The following PTCH2 variants were observed in gnomAD, a reference collection of about 807,000 sequenced individuals.
PTCH2 encodes the protein protein patched homolog 2.
PTCH2 carries 96 observed loss-of-function variants against 117.9 expected under a neutral mutation model. The observed-to-expected ratio is 0.81, with a 90% CI of 0.69 to 0.96. The LOEUF (loss-of-function observed/expected upper bound fraction) is 0.96. Ranked by LOEUF, PTCH2 falls within the 50% of genes least tolerant of loss-of-function variation. The pLI is 0.00. For synonymous variants in PTCH2, 615 were observed against 660.9 expected, an observed-to-expected ratio of 0.93 and a Z score of 1.06; for missense variants, 1,379 against 1,562.5, an observed-to-expected ratio of 0.88 and a Z score of 1.98.
chr1:44,830,493 C>T (rs902759210), intron 6 of PTCH2, among the ~76,000 whole-genome samples: 1 of 149,428 alleles, frequency 6.7e-6, no homozygotes, highest in Non-Finnish European at 1.5e-5. Context: ...ATCCCAGCTA[C>T]TCAGGAGGCT....
Position 44,826,370 on chromosome 1 carries a change from C to T in PTCH2, c.2994G>A (p.Met998Ile), listed in dbSNP as rs1653141131. ...TGATACCAAAGAGTTCCACTGTCAT[C>T]ATCGCCAGGACCAGCACCTGAGGGA... ...TAGLIVLVLAMMTVELFGIMG... is the reference protein window; with the variant it reads ...TAGLIVLVLAIMTVELFGIMG... The change falls in exon 19 of 22, where the codon ATG becomes ATA. Residue 998 changes from methionine (M) to isoleucine (I), a missense_variant. Coordinates refer to ENST00000372192, the MANE Select transcript of PTCH2 (RefSeq NM_003738.5). The surrounding 1 kb of genome is among the most constrained non-coding windows in gnomAD (Gnocchi z 5.1). 6.2e-7 allele frequency: 1 copy of T among 1,614,124 alleles called. No individual in the cohort carries two copies. The highest frequency in any genetic ancestry group is 8.5e-7 in the Non-Finnish European group (1 of 1,180,038).
downstream of PTCH2, chr1:44,820,841 C>T: frequency 1.7e-6 from 1 of 603,830 alleles, no homozygotes; most frequent in Non-Finnish European, 3.1e-6. Flanking sequence ...ACCTAGAAGG[C>T]CCTTCTTGGT....
Position 44,829,251 on chromosome 1 carries a change from C to A in PTCH2, c.1277G>T (p.Gly426Val), listed in dbSNP as rs2148877270. ...GGCCACCAGCAGTACCCCGGCAAGG[C>A]CCACGGAACCCTGGGACTGGGCGCA... ...WDCAQSQGSV[G>V]LAGVLLVALA... Residue 426 changes from glycine (G) to valine (V), a missense_variant, in exon 10 of 22, where the codon GGC becomes GTC. Physicochemically the swap from Gly to Val is moderately radical, Grantham distance 109 (BLOSUM62 -3). Coordinates refer to ENST00000372192, the MANE Select transcript of PTCH2 (RefSeq NM_003738.5). 6.2e-7 allele frequency: 1 copy of A among 1,613,522 alleles called. No homozygotes were observed. The highest frequency in any genetic ancestry group is 8.5e-7 in the Non-Finnish European group (1 of 1,180,012).
Position 44,842,954 on chromosome 1 carries a change from G to A in PTCH2, c.-22C>T. 2 of 1,528,520 alleles carry A rather than the reference G, an allele frequency of 1.3e-6. No individual in the cohort carries two copies. Among genetic ancestry groups the A allele is most frequent in the East Asian group, 2.5e-5 (1 of 40,562 alleles). The allele number at this position is 1,528,520 out of a possible 1,614,324, so 94.7% of individuals were successfully genotyped here. A position where few individuals can be genotyped will look rare whatever the true frequency, so the allele number is the denominator to read the frequency against. On this transcript the variant is annotated 5_prime_UTR_variant, in exon 1 of 22. Coordinates refer to ENST00000372192, the MANE Select transcript of PTCH2 (RefSeq NM_003738.5). ...TCATGCTGGCGGGGATGGGGGGCGCGGGCGCCCCCAACCCGCGTTATCTGG... is the reference window on the plus strand; with the variant it reads ...TCATGCTGGCGGGGATGGGGGGCGCAGGCGCCCCCAACCCGCGTTATCTGG...
intron 2 of PTCH2, among the ~76,000 whole-genome samples, chr1:44,837,730 T>C (rs1411507318): frequency 6.6e-6 from 1 of 151,834 alleles, no homozygotes; most frequent in Non-Finnish European, 1.5e-5. Flanking sequence ...CAATCAGAAG[T>C]GTATTGCCAG....
At chr1:44,838,304 C>T (rs1047130922) in intron 2 of PTCH2, among the ~76,000 whole-genome samples, 1 of 152,154 alleles carries the variant, frequency 6.6e-6, no homozygotes, top group Non-Finnish European at 1.5e-5. Flanking sequence ...TACAAAGACG[C>T]GATCTCGGCT....
At chr1:44,832,365 T>C in intron 2 of PTCH2, 24 bp from the exon 3 acceptor site, 1 of 1,613,038 alleles carries the variant, frequency 6.2e-7, no homozygotes, top group South Asian at 1.1e-5. Flanking sequence ...CAGAGAAAGC[T>C]GGGGGGGAAA....
At position 44,828,304 on chromosome 1, in the gene PTCH2, G is replaced by A. The variant is rs749109820; in HGVS notation, c.1701C>T (p.Cys567=). Residue 567 remains cysteine, a synonymous_variant, in exon 13 of 22, where the codon TGC becomes TGT. Transcript: ENST00000372192. ...TGGGGCGCAGGCAGTACCTGGAGAA[G>A]CAGCAGAGCACATCAAGGCGCTGGC... The part of the protein sequence containing the change: ...RHCQRLDVLC[C]FSSPCSAQVI... The A allele has an allele frequency of 1.9e-6, 3 of 1,613,814 alleles. No individual in the cohort carries two copies. Among genetic ancestry groups the A allele is most frequent in the African/African-American group, 2.7e-5 (2 of 74,936 alleles).
chr1:44,820,274 GCT>G, downstream of PTCH2: 2 of 444,610 alleles, frequency 4.5e-6, no homozygotes, highest in East Asian at 6.7e-5. Flanking sequence ...GATCTCCTTT[GCT>G]CTCCTATGCT....
In PTCH2 at chr1:44,826,433, C is replaced by T. The variant is rs778024160; in HGVS notation, c.2977-46G>A. ...AGAGGGCTCCTGGCAGGAGGGATGA[C>T]AGGCTGGGCAGGGAAGGGTGGGGTG... On this transcript the variant is annotated intron_variant, in intron 18 of 21. Transcript: ENST00000372192. This position sits in a 1 kb window ranked among gnomAD's most constrained non-coding sequence, Gnocchi z 5.1. The T allele has an allele frequency of 6.2e-7, 1 of 1,613,898 alleles. No individual in the cohort carries two copies. Among genetic ancestry groups the T allele is most frequent in the Non-Finnish European group, 8.5e-7 (1 of 1,179,984 alleles).
chr1:44,841,790 CGT>C, intron 2 of PTCH2, 55 bp downstream of exon 2: 2 of 1,593,842 alleles, frequency 1.3e-6, no homozygotes, highest in Non-Finnish European at 1.7e-6. Flanking sequence ...CTCCTCACCC[CGT>C]TCTTGTCTTG....
intron 2 of PTCH2, among the ~76,000 whole-genome samples, chr1:44,840,449 A>G (rs976799456): frequency 8.9e-5 from 13 of 146,230 alleles, no homozygotes; most frequent in South Asian, 4.8e-4. Context: ...GGTGGCTCAC[A>G]CCTGTAATCC....
At chr1:44,840,188 C>T (rs188042376) in intron 2 of PTCH2, among the ~76,000 whole-genome samples, 7 of 151,054 alleles carry the variant, frequency 4.6e-5, no homozygotes, top group South Asian at 2.1e-4. Context: ...CTGCAACCTC[C>T]GCCTCCCAGG....
chr1:44,830,613 G>C (rs563368354), intron 6 of PTCH2, among the ~76,000 whole-genome samples: 1 of 99,174 alleles, frequency 1.0e-5, no homozygotes, highest in Non-Finnish European at 2.1e-5. Flanking sequence ...AAGAAGTCCA[G>C]CCTTATCTAG....
chr1:44,822,673 TG>T lies in PTCH2; in HGVS notation c.3358-5del, dbSNP rs763666404. On this transcript the variant is annotated splice_polypyrimidine_tract_variant and splice_region_variant and intron_variant, in intron 21 of 21. Coordinates refer to ENST00000372192, the MANE Select transcript of PTCH2 (RefSeq NM_003738.5). ...TTTCCTTGTACATCTGTATCACCTG[TG>T]GGGAGACACCAGCCCCAGTAAGCCC... The T allele has an allele frequency of 5.0e-6, 8 of 1,613,438 alleles. No homozygotes were observed. Among genetic ancestry groups the T allele is most frequent in the Non-Finnish European group, 6.8e-6 (8 of 1,179,738 alleles).
rs375019150 is a variant in PTCH2 at position 44,828,245 on chromosome 1, G to A, written c.1709+51C>T. Reference sequence around the variant, plus strand: ...TCTGTGCCTTGAAATGCTGGTGAGGGGACAGGCTGGCGTGGGTCACGGGAG... The same window carrying A: ...TCTGTGCCTTGAAATGCTGGTGAGGAGACAGGCTGGCGTGGGTCACGGGAG... On this transcript the variant is annotated intron_variant, in intron 13 of 21. Coordinates refer to ENST00000372192, the MANE Select transcript of PTCH2 (RefSeq NM_003738.5). 5 of 1,612,424 alleles carry A rather than the reference G, an allele frequency of 3.1e-6. No individual in the cohort carries two copies. The Admixed American group carries it at 5.0e-5, about 16-fold the overall frequency.
Position 44,826,346 on chromosome 1 carries a change from G to C in PTCH2, c.3018C>G (p.Ile1006Met), listed in dbSNP as rs767257214. 6.2e-7 allele frequency: 1 copy of C among 1,614,126 alleles called. No individual in the cohort carries two copies. The highest frequency in any genetic ancestry group is 2.2e-5 in the East Asian group (1 of 44,888). Residue 1006 changes from isoleucine to methionine, a missense_variant, in exon 19 of 22, where the codon ATC (isoleucine) becomes ATG (methionine). Coordinates refer to ENST00000372192, the MANE Select transcript of PTCH2 (RefSeq NM_003738.5). The surrounding 1 kb of genome is among the most constrained non-coding windows in gnomAD (Gnocchi z 5.1). ...TCAGCTTGATGCCCAGGAAACCCATGATACCAAAGAGTTCCACTGTCATCA... is the reference window on the plus strand; with the variant it reads ...TCAGCTTGATGCCCAGGAAACCCATCATACCAAAGAGTTCCACTGTCATCA... ...LAMMTVELFG[I>M]MGFLGIKLSA...
intron 19 of PTCH2, among the ~76,000 whole-genome samples, chr1:44,824,774 G>A (rs910533008): frequency 2.6e-5 from 4 of 152,072 alleles, no homozygotes; most frequent in Admixed American, 1.3e-4. Flanking sequence ...CCAGGTTCAA[G>A]CAATTCTCCT....
At chr1:44,834,682 G>A (rs1261220327) in intron 2 of PTCH2, among the ~76,000 whole-genome samples, 1 of 152,136 alleles carries the variant, frequency 6.6e-6, no homozygotes, top group Non-Finnish European at 1.5e-5. Flanking sequence ...ACTCCTCAGG[G>A]GAGAAAATGG....
Sources: allele counts gnomAD v4.1 joint callset (sites outside exome capture counted in the v4.1 genomes callset), GRCh38; gene constraint gnomAD v4.1.1; non-coding constraint Gnocchi (gnomAD v3.1); transcripts MANE v1.5; gene names NCBI Gene and HGNC (gene_info 2026-07-23, HGNC 2026-07-21).